TMEM178B: variants seen among roughly 807,000 people sequenced by gnomAD.
The protein encoded by TMEM178B is transmembrane protein 178B.
TMEM178B carries 5 observed loss-of-function variants against 31.0 expected under a neutral mutation model. That is an observed-to-expected ratio of 0.16 (90% CI 0.08 to 0.34). The LOEUF is 0.34. Ranked by LOEUF, TMEM178B falls within the 10% of genes least tolerant of loss-of-function variation. TMEM178B has a pLI of 1.00. For missense variants in TMEM178B, 275 were observed against 400.3 expected (o/e 0.69, Z 2.67); for synonymous variants, 164 against 164.0 (o/e 1.00, Z 0.00).
intron 1 of TMEM178B, among the ~76,000 whole-genome samples, chr7:141,204,730 G>GA (rs1796934842): frequency 6.6e-6 from 1 of 152,194 alleles, no homozygotes; most frequent in African/African-American, 2.4e-5. Flanking sequence ...TGATCAAATA[G>GA]CAGGCCTTGA....
chr7:141,404,843 A>C (rs555980480), intron 2 of TMEM178B, among the ~76,000 whole-genome samples: 2 of 152,304 alleles, frequency 1.3e-5, no homozygotes, highest in South Asian at 4.2e-4. Flanking sequence ...TTAGTGACAC[A>C]GCTCAAACTG....
chr7:141,472,333 A>T lies in TMEM178B; in HGVS notation c.*1547A>T, dbSNP rs1210920269. On this transcript the variant is annotated 3_prime_UTR_variant, in exon 4 of 4. Transcript: ENST00000565468. ...TTGATATTCAAGGCCATGAATCCCA[A>T]AATAACAGTCTTAGTGGCTAGCACC... The T allele has an allele frequency of 6.6e-6, 1 of 152,184 alleles. No individual in the cohort carries two copies. Among genetic ancestry groups the T allele is most frequent in the African/African-American group, 2.4e-5 (1 of 41,456 alleles). 9.4% of individuals were successfully genotyped at this position (152,184 alleles called of 1,614,324 possible). A position where few individuals can be genotyped will look rare whatever the true frequency, so the allele number is the denominator to read the frequency against.
intron 2 of TMEM178B, among the ~76,000 whole-genome samples, chr7:141,361,848 C>G (rs1799923144): frequency 6.6e-6 from 1 of 152,210 alleles, no homozygotes; most frequent in Non-Finnish European, 1.5e-5. Flanking sequence ...TTCTTACACC[C>G]AGCCCACTTC....
At chr7:141,099,898 C>T (rs528496743) in intron 1 of TMEM178B, among the ~76,000 whole-genome samples, 2 of 149,246 alleles carry the variant, frequency 1.3e-5, no homozygotes, top group East Asian at 2.0e-4. Context: ...GGCGTGATCT[C>T]GGCTCACTGC....
chr7:141,280,094 T>G (rs1798331535), intron 2 of TMEM178B, among the ~76,000 whole-genome samples: 1 of 152,194 alleles, frequency 6.6e-6, no homozygotes, highest in African/African-American at 2.4e-5. Flanking sequence ...GAGGTGCCGT[T>G]CTGAACAAAT....
At chr7:141,464,741 C>G (rs952169152) in intron 3 of TMEM178B, among the ~76,000 whole-genome samples, 3 of 152,154 alleles carry the variant, frequency 2.0e-5, no homozygotes, top group Non-Finnish European at 4.4e-5. Flanking sequence ...GAATGTCTCC[C>G]TCCTTCCCCA....
intron 1 of TMEM178B, among the ~76,000 whole-genome samples, chr7:141,117,214 G>C (rs1330625121): frequency 6.6e-6 from 1 of 152,148 alleles, no homozygotes; most frequent in Admixed American, 6.5e-5. Flanking sequence ...ATTCTAACTG[G>C]CGTGAGATGG....
rs1802423209 is a variant in TMEM178B at position 141,478,961 on chromosome 7, T to A, written c.*8175T>A. 2.0e-5 allele frequency: 3 copies of A among 152,234 alleles called. No homozygotes were observed. Among genetic ancestry groups the A allele is most frequent in the Admixed American group, 6.5e-5 (1 of 15,282 alleles). The allele number at this position is 152,234 out of a possible 1,614,324, so 9.4% of individuals were successfully genotyped here. ...AAGCACAGAGCTATGTCGAGGCTGC[T>A]GTCTCAGCCTCTGGAAGTTCTGCTT... On this transcript the variant is annotated 3_prime_UTR_variant, in exon 4 of 4. Transcript: ENST00000565468.
intron 1 of TMEM178B, among the ~76,000 whole-genome samples, chr7:141,158,701 C>T (rs1021512144): frequency 2.0e-5 from 3 of 152,132 alleles, no homozygotes; most frequent in African/African-American, 7.2e-5. Flanking sequence ...TCACGCTGTC[C>T]TCTGAGCACT....
intron 2 of TMEM178B, among the ~76,000 whole-genome samples, chr7:141,337,203 C>G (rs1193865331): frequency 1.1e-5 from 1 of 93,432 alleles, no homozygotes. Flanking sequence ...ACCATCACCA[C>G]CACCACCATC....
chr7:141,090,046 G>T (rs931553041), intron 1 of TMEM178B, among the ~76,000 whole-genome samples: 1 of 151,644 alleles, frequency 6.6e-6, no homozygotes, highest in Non-Finnish European at 1.5e-5. Context: ...TGATAATCTT[G>T]TCCACTTTTG....
intron 1 of TMEM178B, among the ~76,000 whole-genome samples, chr7:141,203,391 C>T (rs1796910047): frequency 6.6e-6 from 1 of 152,170 alleles, no homozygotes; most frequent in Non-Finnish European, 1.5e-5. Context: ...TGGGCAGAGG[C>T]CAGCATGTGC....
At chr7:141,207,006 G>A (rs1796977930) in intron 1 of TMEM178B, among the ~76,000 whole-genome samples, 1 of 152,186 alleles carries the variant, frequency 6.6e-6, no homozygotes, top group African/African-American at 2.4e-5. Flanking sequence ...GACTAGTTTA[G>A]AGAATTCATA....
chr7:141,170,092 C>T (rs1796324168), intron 1 of TMEM178B, among the ~76,000 whole-genome samples: 1 of 152,198 alleles, frequency 6.6e-6, no homozygotes, highest in South Asian at 2.1e-4. Flanking sequence ...GATACAGCTG[C>T]AATAAACATT....
At chr7:141,135,407 A>C (rs1795659811) in intron 1 of TMEM178B, among the ~76,000 whole-genome samples, 1 of 152,238 alleles carries the variant, frequency 6.6e-6, no homozygotes, top group Non-Finnish European at 1.5e-5. Context: ...AGAACATTTT[A>C]TCCAATAGCT....
rs997979517 is a variant in TMEM178B, at chr7:141,471,424, G to A, written c.*638G>A. 2.0e-5 allele frequency: 3 copies of A among 152,156 alleles called. No homozygotes were observed. Among genetic ancestry groups the A allele is most frequent in the African/African-American group, 4.8e-5 (2 of 41,410 alleles). The allele number at this position is 152,156 out of a possible 1,614,324, so 9.4% of individuals were successfully genotyped here. On this transcript the variant is annotated 3_prime_UTR_variant, in exon 4 of 4. Transcript: ENST00000565468. The surrounding 1 kb of genome is among the most constrained non-coding windows in gnomAD (Gnocchi z 4.1). ...AGAGGCAAGATCTGCATCAATGAAA[G>A]GACGCTTCGGTGGATGCTCAGACAA... is the stretch of plus-strand genomic sequence containing the variant.
intron 2 of TMEM178B, among the ~76,000 whole-genome samples, chr7:141,419,256 G>T (rs1335397623): frequency 2.0e-5 from 3 of 152,112 alleles, no homozygotes; most frequent in Non-Finnish European, 4.4e-5. Flanking sequence ...GAAAGAAAAA[G>T]AAACCCCAAA....
chr7:141,320,473 G>A (rs1409772858), intron 2 of TMEM178B, among the ~76,000 whole-genome samples: 1 of 152,144 alleles, frequency 6.6e-6, no homozygotes, highest in Middle Eastern at 3.2e-3. Flanking sequence ...CAGGATTTCT[G>A]AGCCTTGTGA....
intron 1 of TMEM178B, among the ~76,000 whole-genome samples, chr7:141,080,964 G>C (rs912531448): frequency 6.6e-6 from 1 of 152,154 alleles, no homozygotes; most frequent in Non-Finnish European, 1.5e-5. Context: ...ATTATGTACA[G>C]TATGTAATAC....
Sources: allele counts gnomAD v4.1 joint callset (sites outside exome capture counted in the v4.1 genomes callset), GRCh38; gene constraint gnomAD v4.1.1; non-coding constraint Gnocchi (gnomAD v3.1); transcripts MANE v1.5; gene names NCBI Gene and HGNC (gene_info 2026-07-23, HGNC 2026-07-21).